The following KLF13 variants were observed in gnomAD, a reference collection of about 807,000 sequenced individuals.
KLF13 encodes KLF transcription factor 13, also known as Krueppel-like factor 13.
In KLF13, 8 loss-of-function variants were observed where a neutral mutation model predicts 16.7. The observed-to-expected ratio is 0.48, with a 90% confidence interval of 0.28 to 0.87. KLF13 has a LOEUF of 0.87. KLF13 is among the 40% of genes least tolerant of loss of function. The pLI, the probability that KLF13 is intolerant of heterozygous loss-of-function variation, is 0.10. For synonymous variants in KLF13, 245 were observed against 208.4 expected, an observed-to-expected ratio of 1.18 and a Z score of -1.51; for missense variants, 447 against 452.2, an observed-to-expected ratio of 0.99 and a Z score of 0.10.
intron 1 of KLF13, among the ~76,000 whole-genome samples, chr15:31,350,147 A>G (rs1424904659): frequency 1.1e-4 from 17 of 152,224 alleles, no homozygotes; most frequent in Non-Finnish European, 1.5e-5. Context: ...CCCTGCTTTT[A>G]AGCCAATATG....
downstream of KLF13, among the ~76,000 whole-genome samples, chr15:31,408,120 C>A (rs545807977): frequency 7.2e-5 from 11 of 151,832 alleles, no homozygotes; most frequent in East Asian, 1.9e-4. Flanking sequence ...TCTGGAAAAC[C>A]CTAGAGAGCA....
chr15:31,365,688 C>T (rs1025610859), intron 1 of KLF13, among the ~76,000 whole-genome samples: 14 of 152,116 alleles, frequency 9.2e-5, no homozygotes, highest in Admixed American at 7.9e-4. Flanking sequence ...TAACTTGGAG[C>T]GTGCCCTTTG....
intron 1 of KLF13, among the ~76,000 whole-genome samples, chr15:31,416,658 C>A (rs971949414): frequency 2.6e-5 from 4 of 152,038 alleles, no homozygotes; most frequent in African/African-American, 9.7e-5. Flanking sequence ...TTATAAAACA[C>A]CCATATCAAA....
At chr15:31,365,227 T>A (rs1183293363) in intron 1 of KLF13, among the ~76,000 whole-genome samples, 1 of 152,224 alleles carries the variant, frequency 6.6e-6, no homozygotes, top group Non-Finnish European at 1.5e-5. Flanking sequence ...AGCCTCTCCC[T>A]GTGCCTCCCT....
chr15:31,371,279 AC>A (rs1229911457), intron 1 of KLF13, among the ~76,000 whole-genome samples: 1 of 151,972 alleles, frequency 6.6e-6, no homozygotes, highest in Non-Finnish European at 1.5e-5. Context: ...ATTACCTCCC[AC>A]CCCACTGTGT....
chr15:31,357,896 G>C (rs943478534), intron 1 of KLF13, among the ~76,000 whole-genome samples: 5 of 152,062 alleles, frequency 3.3e-5, no homozygotes, highest in South Asian at 2.1e-4. Context: ...CTAATTTCTT[G>C]CTTCCAGATT....
Position 31,327,363 on chromosome 15 carries a change from G to A in KLF13, c.151G>A (p.Glu51Lys). ...CACCCCCACGCTGCCCCGCGTCGAGGAGCGCCGCGACGGTAAGGACAGCGC... is the reference window on the plus strand; with the variant it reads ...CACCCCCACGCTGCCCCGCGTCGAGAAGCGCCGCGACGGTAAGGACAGCGC... ...AATPTLPRVEERRDGKDSASL... is the reference protein window; with the variant it reads ...AATPTLPRVEKRRDGKDSASL... Residue 51 changes from glutamate to lysine, a missense_variant, in exon 1 of 2, where the codon GAG becomes AAG. Transcript: ENST00000307145. 3 of 1,285,564 alleles carry A rather than the reference G, an allele frequency of 2.3e-6. No homozygotes were observed. The highest frequency in any genetic ancestry group is 2.9e-6 in the Non-Finnish European group (3 of 1,017,550). The allele number at this position is 1,285,564 out of a possible 1,614,324, so 79.6% of individuals were successfully genotyped here.
intron 1 of KLF13, among the ~76,000 whole-genome samples, chr15:31,348,338 C>A (rs148468811): frequency 6.6e-6 from 1 of 152,164 alleles, no homozygotes; most frequent in Non-Finnish European, 1.5e-5. Context: ...GCCTCCAGTG[C>A]CTTCCGAAAG....
upstream of KLF13, among the ~76,000 whole-genome samples, chr15:31,391,421 T>G (rs8030297): frequency 0.95 from 105,565 of 110,808 alleles, 50,334 homozygotes; most frequent in East Asian, 1. Context: ...GGAGGGGGGA[T>G]CTCTGTTGGG....
chr15:31,404,111 G>A (rs1280446169), exon 3 of KLF13: 1 of 152,274 alleles, frequency 6.6e-6, no homozygotes, highest in Non-Finnish European at 1.5e-5. Context: ...CCAAGCAGAG[G>A]TGAGAAGGAG....
At chr15:31,385,274 C>G (rs559882798) in intron 1 of KLF13, among the ~76,000 whole-genome samples, 1 of 152,258 alleles carries the variant, frequency 6.6e-6, no homozygotes, top group Non-Finnish European at 1.5e-5. Flanking sequence ...ATCTATAGAC[C>G]AAGAGCATGA....
chr15:31,420,717 G>A (rs896329298), intron 1 of KLF13: 9 of 302,382 alleles, frequency 3.0e-5, no homozygotes, highest in African/African-American at 2.1e-4. Flanking sequence ...TTTTGAGATG[G>A]AGTCTTGCTC....
At chr15:31,344,146 A>G (rs1329898828) in intron 1 of KLF13, among the ~76,000 whole-genome samples, 2 of 152,088 alleles carry the variant, frequency 1.3e-5, no homozygotes, top group African/African-American at 2.4e-5. Context: ...CTGCGCACCC[A>G]CACCACCCTG....
At chr15:31,433,172 G>T (rs372502511) in intron 1 of KLF13, among the ~76,000 whole-genome samples, 29 of 152,240 alleles carry the variant, frequency 1.9e-4, no homozygotes, top group African/African-American at 6.5e-4. Flanking sequence ...GCGTGGAGCA[G>T]TGCTTAGTCC....
intron 1 of KLF13, among the ~76,000 whole-genome samples, chr15:31,431,098 T>A (rs1390094216): frequency 6.6e-6 from 1 of 151,770 alleles, no homozygotes; most frequent in African/African-American, 2.4e-5. Flanking sequence ...TCAGGTGGAG[T>A]TAGTGACCTT....
At chr15:31,415,564 G>A (rs1162150705) in intron 1 of KLF13, among the ~76,000 whole-genome samples, 2 of 152,040 alleles carry the variant, frequency 1.3e-5, no homozygotes, top group East Asian at 1.9e-4. Flanking sequence ...AAAATAAAAA[G>A]GGAAGTCAGA....
intron 1 of KLF13, among the ~76,000 whole-genome samples, chr15:31,427,389 A>G (rs2040412589): frequency 6.6e-6 from 1 of 152,258 alleles, no homozygotes; most frequent in Non-Finnish European, 1.5e-5. Context: ...AGAATGTAGA[A>G]AAATTGGAAC....
chr15:31,346,153 C>T (rs2039112763), intron 1 of KLF13, among the ~76,000 whole-genome samples: 1 of 152,138 alleles, frequency 6.6e-6, no homozygotes, highest in Non-Finnish European at 1.5e-5. Flanking sequence ...CCGCACAGAA[C>T]ACCAGGTCAA....
intron 1 of KLF13, among the ~76,000 whole-genome samples, chr15:31,351,485 C>T (rs990282839): frequency 4.6e-5 from 7 of 151,974 alleles, no homozygotes; most frequent in Admixed American, 2.6e-4. Context: ...GTGGTTGCCC[C>T]GTGTGCGCTT....
Sources: gnomAD v4.1 joint callset for allele counts (sites outside exome capture counted in the v4.1 genomes callset) on GRCh38, gnomAD v4.1.1 for gene constraint, MANE v1.5 for transcripts, NCBI Gene and HGNC (gene_info 2026-07-23, HGNC 2026-07-21) for gene names.